ADAM12: variants seen among roughly 807,000 people sequenced by gnomAD.
ADAM12 encodes ADAM metallopeptidase domain 12.
A neutral mutation model predicts 106.4 loss-of-function variants in ADAM12; 70 were observed. The ratio of observed to expected loss-of-function variants is 0.66; its 90% confidence interval spans 0.54 to 0.80. The LOEUF (loss-of-function observed/expected upper bound fraction) is 0.80. Ranked by LOEUF, ADAM12 falls within the 30% of genes least tolerant of loss-of-function variation. ADAM12 has a pLI of 0.00. For synonymous variants in ADAM12, 420 were observed against 433.5 expected (o/e 0.97, Z 0.39); for missense variants, 1,010 against 1,171.9 (o/e 0.86, Z 2.02).
At chr10:126,382,694 C>G (rs572072802) in intron 1 of ADAM12, among the ~76,000 whole-genome samples, 2 of 152,222 alleles carry the variant, frequency 1.3e-5, no homozygotes, top group South Asian at 4.2e-4. Flanking sequence ...TAAATATCAA[C>G]AGAGAGCCAA....
chr10:126,076,401 A>G (rs982383365), intron 11 of ADAM12, among the ~76,000 whole-genome samples: 1 of 152,240 alleles, frequency 6.6e-6, no homozygotes, highest in African/African-American at 2.4e-5. Flanking sequence ...TCTTTTTGGT[A>G]GAATGAGTTA....
chr10:126,324,736 G>A (rs1854231461), intron 2 of ADAM12, among the ~76,000 whole-genome samples: 1 of 152,150 alleles, frequency 6.6e-6, no homozygotes, highest in Non-Finnish European at 1.5e-5. Context: ...ATTAAATTAA[G>A]TGGGAGGCAG....
At chr10:126,332,167 C>T (rs1854543345) in intron 1 of ADAM12, among the ~76,000 whole-genome samples, 1 of 152,222 alleles carries the variant, frequency 6.6e-6, no homozygotes, top group African/African-American at 2.4e-5. Context: ...ATTCAACTGT[C>T]TACCTGGTGA....
intron 1 of ADAM12, among the ~76,000 whole-genome samples, chr10:126,347,081 A>C (rs976471165): frequency 6.6e-6 from 1 of 152,094 alleles, no homozygotes; most frequent in Non-Finnish European, 1.5e-5. Flanking sequence ...ATAGCTGCTT[A>C]TTTTGCTCGT....
chr10:126,284,881 C>G (rs1303429663), intron 2 of ADAM12, among the ~76,000 whole-genome samples: 2 of 152,246 alleles, frequency 1.3e-5, no homozygotes, highest in East Asian at 3.8e-4. Flanking sequence ...CTCCCTTACT[C>G]TCTTCACTGG....
intron 5 of ADAM12, among the ~76,000 whole-genome samples, chr10:126,130,593 G>A (rs765760967): frequency 7.9e-5 from 12 of 152,172 alleles, no homozygotes; most frequent in Non-Finnish European, 1.2e-4. Context: ...GGGTGGATGT[G>A]GAGACTCAGA....
At chr10:126,158,787 A>G (rs1400382354) in intron 3 of ADAM12, among the ~76,000 whole-genome samples, 1 of 123,936 alleles carries the variant, frequency 8.1e-6, no homozygotes. Flanking sequence ...CAGAGCATGG[A>G]GTGGGGATGC....
At position 126,049,271 on chromosome 10, in the gene ADAM12, T is replaced by C; in HGVS notation, c.1899A>G (p.Thr633=). The C allele has an allele frequency of 6.2e-7, 1 of 1,614,156 alleles. No individual in the cohort carries two copies. Among genetic ancestry groups the C allele is most frequent in the Non-Finnish European group, 8.5e-7 (1 of 1,179,986 alleles). The change falls in exon 16 of 23, where the codon ACA becomes ACG. Residue 633 remains threonine, a synonymous_variant. Coordinates refer to ENST00000448723, the MANE Select transcript of ADAM12 (RefSeq NM_001288973.2). This position sits in a 1 kb window ranked among gnomAD's most constrained non-coding sequence, Gnocchi z 4.4. ...MPDPGLVLAG[T]KCADGKICLN... The stretch of plus-strand genomic sequence containing the variant: ...GTCTTACTTTTCCATCTGCACACTT[T>C]GTGCCTGCAAGCACAAGCCCTGGGT...
chr10:126,267,691 C>T (rs1959126198), intron 3 of ADAM12, among the ~76,000 whole-genome samples: 1 of 152,122 alleles, frequency 6.6e-6, no homozygotes, highest in African/African-American at 2.4e-5. Context: ...TCATCAGATA[C>T]TCATCCCCTG....
At chr10:126,262,573 T>C (rs1043560662) in intron 3 of ADAM12, among the ~76,000 whole-genome samples, 1 of 152,176 alleles carries the variant, frequency 6.6e-6, no homozygotes, top group African/African-American at 2.4e-5. Context: ...AAATAATGTT[T>C]TATTTTTGTG....
At chr10:126,354,763 C>G (rs1056336289) in intron 1 of ADAM12, among the ~76,000 whole-genome samples, 17 of 150,516 alleles carry the variant, frequency 1.1e-4, no homozygotes, top group African/African-American at 3.9e-4. Flanking sequence ...GTGGATACTG[C>G]AGAACTGACT....
chr10:126,060,617 A>G (rs1954733714), intron 14 of ADAM12, among the ~76,000 whole-genome samples: 1 of 152,234 alleles, frequency 6.6e-6, no homozygotes, highest in Non-Finnish European at 1.5e-5. Flanking sequence ...TTTCTGAATC[A>G]TGAAAAGCTA....
chr10:126,350,193 G>A (rs1343065281), intron 1 of ADAM12, among the ~76,000 whole-genome samples: 1 of 152,188 alleles, frequency 6.6e-6, no homozygotes, highest in African/African-American at 2.4e-5. Context: ...GGCACACATT[G>A]TAATTCCTAA....
chr10:126,241,105 A>G (rs1034594227), intron 3 of ADAM12, among the ~76,000 whole-genome samples: 1 of 152,216 alleles, frequency 6.6e-6, no homozygotes, highest in South Asian at 2.1e-4. Flanking sequence ...ATGCTAAGTG[A>G]AAGGAGCTGA....
At position 126,375,549 on chromosome 10, in the gene ADAM12, T is replaced by G. The variant is rs143809991; in HGVS notation, c.88+12509A>C. Among the ~76,000 whole-genome samples, 411 of 152,190 alleles carry G rather than the reference T, an allele frequency of 2.7e-3. 3 individuals are homozygous for G. The highest frequency in any genetic ancestry group is 9.7e-3 in the African/African-American group (401 of 41,530). ...TGTCTGAAATGCAAATGTTAAAAAT[T>G]TAATGGTACTACTAAAACTGTGGAA... is the stretch of plus-strand genomic sequence containing the variant. On this transcript the variant is annotated intron_variant, in intron 1 of 22. Coordinates refer to ENST00000448723, the MANE Select transcript of ADAM12 (RefSeq NM_001288973.2).
intron 3 of ADAM12, among the ~76,000 whole-genome samples, chr10:126,245,346 G>A (rs980998146): frequency 3.9e-5 from 6 of 152,344 alleles, no homozygotes; most frequent in African/African-American, 7.2e-5. Context: ...ATGGAACTTA[G>A]ACTAAACCTA....
intron 1 of ADAM12, among the ~76,000 whole-genome samples, chr10:126,334,857 G>A (rs1590794891): frequency 6.6e-6 from 1 of 152,280 alleles, no homozygotes; most frequent in East Asian, 1.9e-4. Context: ...CATACACAGT[G>A]AAGAGGGGAC....
At chr10:126,350,592 G>A (rs1035103312) in intron 1 of ADAM12, among the ~76,000 whole-genome samples, 2 of 152,376 alleles carry the variant, frequency 1.3e-5, no homozygotes, top group African/African-American at 4.8e-5. Context: ...ATTTTCCGCA[G>A]TGACCTGCAT....
At chr10:126,278,451 A>G (rs946840348) in intron 3 of ADAM12, among the ~76,000 whole-genome samples, 2 of 152,214 alleles carry the variant, frequency 1.3e-5, no homozygotes, top group African/African-American at 4.8e-5. Flanking sequence ...ATTTTTAAAA[A>G]TAAGAAGATG....
Sources: gnomAD v4.1 joint callset for allele counts (sites outside exome capture counted in the v4.1 genomes callset) on GRCh38, gnomAD v4.1.1 for gene constraint, Gnocchi (gnomAD v3.1) non-coding constraint, MANE v1.5 for transcripts, NCBI Gene and HGNC (gene_info 2026-07-23, HGNC 2026-07-21) for gene names.